NDUFAF6: variants seen among roughly 807,000 people sequenced by gnomAD.
The protein encoded by NDUFAF6 is NADH dehydrogenase (ubiquinone) complex I, assembly factor 6.
Under a neutral mutation model 40.8 loss-of-function variants are expected in NDUFAF6, and 45 were observed. The observed-to-expected ratio is 1.10, with a 90% CI of 0.87 to 1.42. The LOEUF (loss-of-function observed/expected upper bound fraction) is 1.42, where lower values mean the gene tolerates loss of function less well. NDUFAF6 is among the 40% of genes most tolerant of loss of function. NDUFAF6 has a pLI of 0.00. For missense variants in NDUFAF6, 435 were observed against 418.5 expected, an observed-to-expected ratio of 1.04 and a Z score of -0.34; for synonymous variants, 185 against 155.9, an observed-to-expected ratio of 1.19 and a Z score of -1.39.
rs556065794 is a variant in NDUFAF6, at chr8:94,909,348, C to CAA, written c.-936+13454_-936+13455dup. Among the ~76,000 whole-genome samples, 901 of 91,750 alleles carry CAA rather than the reference C, an allele frequency of 9.8e-3. 38 individuals carry two copies. Among genetic ancestry groups the CAA allele is most frequent in the African/African-American group, 0.011 (220 of 19,622 alleles). 60.2% of individuals were successfully genotyped at this position (91,750 alleles called of 152,430 possible). The stretch of plus-strand genomic sequence containing the variant: ...TGGACGACAGAGGGAGACTCCGTCT[C>CAA]AAAAAAAAAAAAAAAAAAAAAAAAA... On this transcript the variant is annotated intron_variant, in intron 1 of 14. Coordinates refer to the NDUFAF6 transcript ENST00000396113.
rs547596414 is a variant in NDUFAF6 at position 95,035,636 on chromosome 8, A to G, written c.420+60A>G. 174 of 1,518,624 alleles carry G rather than the reference A, an allele frequency of 1.1e-4. 2 individuals are homozygous for G. In the African/African-American group the frequency reaches 2.0e-3, roughly 18 times the overall value. 94.1% of individuals were successfully genotyped at this position (1,518,624 alleles called of 1,614,324 possible). The stretch of plus-strand genomic sequence containing the variant: ...GAATATTATTCGAGTCTACTTTTTG[A>G]TGGATATAATTTGGGTACTGGTGAT... On this transcript the variant is annotated intron_variant, in intron 3 of 8. Coordinates refer to ENST00000396124, the MANE Select transcript of NDUFAF6 (RefSeq NM_152416.4).
Position 94,931,923 on chromosome 8 carries a change from T to C in NDUFAF6, c.-935-13560T>C, listed in dbSNP as rs554594874. On this transcript the variant is annotated intron_variant, in intron 1 of 14. Coordinates refer to the NDUFAF6 transcript ENST00000396113. ...GGGGGTGGAGGCTGCTGTGAGCCAA[T>C]ATCACACCATTGCACTCCAGCCTGA... is the stretch of plus-strand genomic sequence containing the variant. 4.4e-6 allele frequency: 3 copies of C among 678,356 alleles called. No individual in the cohort carries two copies. In the South Asian group the frequency reaches 6.9e-5, roughly 16 times the overall value. 42.0% of individuals were successfully genotyped at this position (678,356 alleles called of 1,614,324 possible).
Position 94,958,856 on chromosome 8 carries a change from A to G in NDUFAF6, c.-199+677A>G, listed in dbSNP as rs1823313362. On this transcript the variant is annotated intron_variant, in intron 1 of 9. Transcript: ENST00000396111. ...GTGCTAGAGATTAGGGCTTCAACATATGAATTTGCGAGGCACACAATTCAG... is the reference window on the plus strand; with the variant it reads ...GTGCTAGAGATTAGGGCTTCAACATGTGAATTTGCGAGGCACACAATTCAG... Among the ~76,000 whole-genome samples, 3 of 152,122 alleles carry G rather than the reference A, an allele frequency of 2.0e-5. No homozygotes were observed. The South Asian group carries it at 6.2e-4, about 31-fold the overall frequency.
chr8:94,995,502 A>T (rs539682436), intron 2 of NDUFAF6, among the ~76,000 whole-genome samples: 2 of 152,242 alleles, frequency 1.3e-5, no homozygotes, highest in South Asian at 4.1e-4. Context: ...GGTGGCTTGC[A>T]CCTGTAATCC....
chr8:95,039,800 G>A (rs935862589), intron 3 of NDUFAF6, among the ~76,000 whole-genome samples: 5 of 150,368 alleles, frequency 3.3e-5, no homozygotes, highest in African/African-American at 1.2e-4. Context: ...ATTTTTAAAT[G>A]TTTTGTAGAG....
intron 5 of NDUFAF6, among the ~76,000 whole-genome samples, chr8:95,046,659 A>T (rs948681379): frequency 6.6e-6 from 1 of 152,260 alleles, no homozygotes; most frequent in Non-Finnish European, 1.5e-5. Flanking sequence ...GCATATTCTT[A>T]AAATGAGATC....
chr8:95,041,907 ACTACT>A (rs888327612), intron 4 of NDUFAF6, among the ~76,000 whole-genome samples: 134 of 152,330 alleles, frequency 8.8e-4, no homozygotes, highest in Middle Eastern at 3.4e-3. Context: ...AAGTAGAGAG[ACTACT>A]CTACATGTGT....
chr8:94,903,105 C>A (rs1818133712), intron 1 of NDUFAF6, among the ~76,000 whole-genome samples: 1 of 152,092 alleles, frequency 6.6e-6, no homozygotes, highest in Non-Finnish European at 1.5e-5. Context: ...TGCAGTGGCT[C>A]ACACTTATAA....
At chr8:94,912,771 C>G (rs1818870852) in intron 1 of NDUFAF6, among the ~76,000 whole-genome samples, 1 of 149,618 alleles carries the variant, frequency 6.7e-6, no homozygotes, top group African/African-American at 2.5e-5. Flanking sequence ...CGAGATCATG[C>G]CACTGCACTT....
chr8:94,939,045 C>T (rs1011796), intron 1 of NDUFAF6, among the ~76,000 whole-genome samples: 94,985 of 151,936 alleles, frequency 0.63, 30,637 homozygotes, highest in East Asian at 0.78. Flanking sequence ...GACTGTTTGC[C>T]TGGTGTGTGG....
chr8:94,933,326 G>T (rs1391069434), intron 1 of NDUFAF6, among the ~76,000 whole-genome samples: 4 of 151,914 alleles, frequency 2.6e-5, no homozygotes, highest in African/African-American at 9.7e-5. Context: ...AAACAAACAA[G>T]ATATAAAAAC....
downstream of NDUFAF6, among the ~76,000 whole-genome samples, chr8:95,061,230 C>T (rs1018174860): frequency 2.6e-5 from 4 of 152,218 alleles, no homozygotes; most frequent in Non-Finnish European, 2.9e-5. Context: ...ATCCCCTGAT[C>T]TACTGAAACA....
intron 2 of NDUFAF6, among the ~76,000 whole-genome samples, chr8:94,947,055 C>A (rs143938450): frequency 6.6e-6 from 1 of 152,242 alleles, no homozygotes; most frequent in East Asian, 1.9e-4. Context: ...TTATTTGTCC[C>A]ATTTTACTGA....
intron 1 of NDUFAF6, among the ~76,000 whole-genome samples, chr8:94,904,247 C>T (rs1216182323): frequency 2.0e-5 from 3 of 148,848 alleles, no homozygotes; most frequent in Non-Finnish European, 4.4e-5. Flanking sequence ...GGGTTCACGC[C>T]ATTCTCCTGC....
At chr8:94,943,057 T>C (rs1014194357) in intron 1 of NDUFAF6, among the ~76,000 whole-genome samples, 5 of 152,062 alleles carry the variant, frequency 3.3e-5, no homozygotes, top group Non-Finnish European at 7.4e-5. Context: ...ATATGGTAAA[T>C]TGGGGGGATA....
At chr8:94,975,043 CCCA>C (rs1168667497) in intron 1 of NDUFAF6, among the ~76,000 whole-genome samples, 1 of 152,222 alleles carries the variant, frequency 6.6e-6, no homozygotes, top group African/African-American at 2.4e-5. Context: ...CCTTTCTCAG[CCCA>C]CCAACATAAC....
At chr8:95,088,780 A>C (rs1430663778) in intron 2 of NDUFAF6, among the ~76,000 whole-genome samples, 1 of 146,576 alleles carries the variant, frequency 6.8e-6, no homozygotes. Context: ...ATTTTTTTTG[A>C]GACAGCGTCT....
intron 1 of NDUFAF6, chr8:94,940,721 T>C: frequency 1.3e-6 from 1 of 754,392 alleles, no homozygotes; most frequent in Non-Finnish European, 2.2e-6. Flanking sequence ...TCCTGCTTAC[T>C]TTTAAGGCTG....
At chr8:94,985,467 T>TTTTATA (rs1158887739) in intron 2 of NDUFAF6, among the ~76,000 whole-genome samples, 8 of 28,596 alleles carry the variant, frequency 2.8e-4, no homozygotes, top group East Asian at 1.4e-3. Flanking sequence ...AAAACAATAA[T>TTTTATA]TATATATATA....
Sources: allele counts gnomAD v4.1 joint callset (sites outside exome capture counted in the v4.1 genomes callset), GRCh38; gene constraint gnomAD v4.1.1; transcripts MANE v1.5; gene names NCBI Gene and HGNC (gene_info 2026-07-23, HGNC 2026-07-21).